Variants in RFX1 observed in about 807,000 individuals in gnomAD.
The protein encoded by RFX1 is MHC class II regulatory factor RFX1.
RFX1 carries 42 observed loss-of-function variants against 119.6 expected under a neutral mutation model. That is an observed-to-expected ratio of 0.35 (90% CI 0.27 to 0.45). The LOEUF (loss-of-function observed/expected upper bound fraction) is 0.45. Among genes scored for constraint, RFX1 ranks in the 20% least tolerant of loss-of-function variants. RFX1 has a pLI of 1.00. For missense variants in RFX1, 1,118 were observed against 1,368.1 expected (o/e 0.82, Z 2.88); for synonymous variants, 628 against 618.5 (o/e 1.02, Z -0.23).
intron 1 of RFX1, among the ~76,000 whole-genome samples, chr19:13,999,965 C>T (rs557336225): frequency 1.2e-4 from 18 of 152,198 alleles, no homozygotes; most frequent in Admixed American, 7.9e-4. Flanking sequence ...CATGAGCCAC[C>T]GCGACTGGCC....
chr19:13,980,735 T>TCCTCTCTGGGGTGGGCTCGCAG lies in RFX1; in HGVS notation c.622-47_622-46insCTGCGAGCCCACCCCAGAGAGG. 1 of 1,420,320 alleles carries TCCTCTCTGGGGTGGGCTCGCAG rather than the reference T, an allele frequency of 7.0e-7. No homozygotes were observed. The highest frequency in any genetic ancestry group is 9.7e-7 in the Non-Finnish European group (1 of 1,027,826). 88.0% of individuals were successfully genotyped at this position (1,420,320 alleles called of 1,614,324 possible). On this transcript the variant is annotated intron_variant, in intron 5 of 20. Transcript: ENST00000254325. The surrounding 1 kb of genome is among the most constrained non-coding windows in gnomAD (Gnocchi z 5.1). ...GGAGTGCCGCTGGGGTGGGCTTGCATCCTCTCTGAGGTGGGCTCACACACA... is the reference window on the plus strand; with the variant it reads ...GGAGTGCCGCTGGGGTGGGCTTGCATCCTCTCTGGGGTGGGCTCGCAGCCTCTCTGAGGTGGGCTCACACACA...
At chr19:14,002,880 G>A (rs1975262278) in intron 1 of RFX1, among the ~76,000 whole-genome samples, 1 of 152,180 alleles carries the variant, frequency 6.6e-6, no homozygotes, top group South Asian at 2.1e-4. Context: ...CGGCTCCAGA[G>A]ACGCCATTCC....
rs1973803802 is a variant in RFX1 at position 13,963,849 on chromosome 19, C to G, written c.2361+9G>C. ...CTCATTCGCCCGCCCCGCCCCGCCCCGCGCTCACCTGCACGTTGGCGAAGT... is the reference window on the plus strand; with the variant it reads ...CTCATTCGCCCGCCCCGCCCCGCCCGGCGCTCACCTGCACGTTGGCGAAGT... On this transcript the variant is annotated intron_variant, in intron 17 of 20. Coordinates refer to ENST00000254325, the MANE Select transcript of RFX1 (RefSeq NM_002918.5). 1 of 1,536,696 alleles carries G rather than the reference C, an allele frequency of 6.5e-7. No individual in the cohort carries two copies. The highest frequency in any genetic ancestry group is 2.5e-5 in the East Asian group (1 of 40,254).
At chr19:14,003,107 T>C (rs535921364) in intron 1 of RFX1, among the ~76,000 whole-genome samples, 68 of 152,322 alleles carry the variant, frequency 4.5e-4, no homozygotes, top group Non-Finnish European at 9.4e-4. Context: ...CTCAGCCTCC[T>C]AAATAGCTGG....
At chr19:14,005,740 C>G (rs1450622095) in intron 1 of RFX1, among the ~76,000 whole-genome samples, 1 of 151,976 alleles carries the variant, frequency 6.6e-6, no homozygotes, top group Admixed American at 6.5e-5. Context: ...CCATACCTTC[C>G]CTCCTGGTCC....
Position 13,985,447 on chromosome 19 carries a change from G to T in RFX1, c.320-1852C>A, listed in dbSNP as rs1212641233. Among the ~76,000 whole-genome samples, 1 of 151,352 alleles carries T rather than the reference G, an allele frequency of 6.6e-6. No homozygotes were observed. The highest frequency in any genetic ancestry group is 1.9e-4 in the East Asian group (1 of 5,130). On this transcript the variant is annotated intron_variant, in intron 2 of 20. Transcript: ENST00000254325. The surrounding 1 kb of genome is among the most constrained non-coding windows in gnomAD (Gnocchi z 4.3). ...CCGCCTCGGTCTCTCAAAGTGCTGG[G>T]ATTACAGGCATGAGCCACTGCACCT...
At chr19:13,982,087 AG>A (rs778080163) in intron 5 of RFX1, 33 bp downstream of exon 5, 4 of 1,136,894 alleles carry the variant, frequency 3.5e-6, no homozygotes, top group South Asian at 3.7e-5. Flanking sequence ...GGGAGACAGC[AG>A]GGGGGAGGGC....
intron 4 of RFX1, 192 bp downstream of exon 4, chr19:13,982,995 T>C: frequency 1.7e-6 from 1 of 577,094 alleles, no homozygotes; most frequent in Non-Finnish European, 3.1e-6. Context: ...CTGCAGCTCC[T>C]CTGTCCCTGA....
At chr19:13,995,537 G>A (rs1974980493) in intron 1 of RFX1, among the ~76,000 whole-genome samples, 1 of 152,188 alleles carries the variant, frequency 6.6e-6, no homozygotes, top group Non-Finnish European at 1.5e-5. Context: ...GAACCTGGCA[G>A]CTGCGGCTGA....
At chr19:14,003,914 T>C (rs1358343201) in intron 1 of RFX1, among the ~76,000 whole-genome samples, 2 of 145,606 alleles carry the variant, frequency 1.4e-5, no homozygotes, top group East Asian at 4.0e-4. Context: ...CTCAGTTAGC[T>C]TTTTTTTTTT....
At position 13,990,857 on chromosome 19, in the gene RFX1, C is replaced by T. The variant is rs1213441602; in HGVS notation, c.319+2668G>A. On this transcript the variant is annotated intron_variant, in intron 2 of 20. Coordinates refer to ENST00000254325, the MANE Select transcript of RFX1 (RefSeq NM_002918.5). The surrounding 1 kb of genome is among the most constrained non-coding windows in gnomAD (Gnocchi z 4.1). ...AATTACCTGGGTGTGGTGGCACATG[C>T]CTATAGTCCCAGCTACTTGGGAGGC... 6.6e-6 allele frequency among the ~76,000 whole-genome samples: 1 copy of T among 151,832 alleles called. No individual in the cohort carries two copies. Among genetic ancestry groups the T allele is most frequent in the Non-Finnish European group, 1.5e-5 (1 of 67,952 alleles).
Position 13,983,248 on chromosome 19 carries a change from A to G in RFX1, c.452T>C (p.Val151Ala). Residue 151 changes from valine to alanine, a missense_variant, in exon 4 of 21, where the codon GTG becomes GCG. Around this residue, in one of 5 missense-constraint regions of RFX1, gnomAD observed 542 missense variants for 602.7 expected, o/e 0.90. Transcript: ENST00000254325. ...CGACACGTGGCCTGGCTTGGCCTGC[A>G]CGCTCGTCTGGACCAGCAGCCGCTG... ...TQQRLLVQTS[V>A]QAKPGHVSPL... is the part of the protein sequence containing the mutation. 6.4e-7 allele frequency: 1 copy of G among 1,569,188 alleles called. No homozygotes were observed.
Position 13,983,766 on chromosome 19 carries a change from A to T in RFX1, c.320-171T>A, listed in dbSNP as rs557938509. Among the ~76,000 whole-genome samples, 5 of 152,322 alleles carry T rather than the reference A, an allele frequency of 3.3e-5. No individual in the cohort carries two copies. In the East Asian group the frequency reaches 9.7e-4, roughly 29 times the overall value. On this transcript the variant is annotated intron_variant, in intron 2 of 20. Coordinates refer to ENST00000254325, the MANE Select transcript of RFX1 (RefSeq NM_002918.5). ...CCCTGACTGCACCCATCAGGGGCCCACGTGGCAGAGCGGGCTGAGGCTTGC... is the reference window on the plus strand; with the variant it reads ...CCCTGACTGCACCCATCAGGGGCCCTCGTGGCAGAGCGGGCTGAGGCTTGC...
chr19:13,967,117 C>G (rs1973928842), intron 12 of RFX1, among the ~76,000 whole-genome samples: 1 of 152,172 alleles, frequency 6.6e-6, no homozygotes, highest in Non-Finnish European at 1.5e-5. Context: ...CCTAAGCACC[C>G]CAGGTTGGGG....
At chr19:14,003,155 T>C (rs1278438615) in intron 1 of RFX1, among the ~76,000 whole-genome samples, 1 of 152,158 alleles carries the variant, frequency 6.6e-6, no homozygotes, top group Non-Finnish European at 1.5e-5. Context: ...CCGGCTACTT[T>C]TTGTATTTTT....
Position 13,963,764 on chromosome 19 carries a change from G to A in RFX1, c.2362-18C>T. The A allele has an allele frequency of 6.5e-7, 1 of 1,541,152 alleles. No individual in the cohort carries two copies. The highest frequency in any genetic ancestry group is 8.7e-7 in the Non-Finnish European group (1 of 1,146,654). ...GCCTGCTCCTGGGGCACAGAGGGTG[G>A]GCGGGCGCCCGGGGCTCAGCCGCCG... On this transcript the variant is annotated intron_variant, in intron 17 of 20. Transcript: ENST00000254325.
In RFX1 at chr19:13,968,926, TG is replaced by T; in HGVS notation, c.1497-33del. On this transcript the variant is annotated intron_variant, in intron 10 of 20. Coordinates refer to ENST00000254325, the MANE Select transcript of RFX1 (RefSeq NM_002918.5). This position sits in a 1 kb window ranked among gnomAD's most constrained non-coding sequence, Gnocchi z 5.5. ...GGGAGGTGGAGGGGAAGGGCTGGGC[TG>T]GGGGTCTGCCGGCTGGCCGGCCATG... 1 of 1,537,714 alleles carries T rather than the reference TG, an allele frequency of 6.5e-7. No individual in the cohort carries two copies. Among genetic ancestry groups the T allele is most frequent in the Non-Finnish European group, 8.8e-7 (1 of 1,141,906 alleles).
At chr19:13,982,323 C>T (rs1028440265) in intron 4 of RFX1, 95 bp from the exon 5 acceptor site, 4 of 606,244 alleles carry the variant, frequency 6.6e-6, no homozygotes, top group Non-Finnish European at 7.3e-6. Context: ...ATTCTAAGTG[C>T]TTCACGCCTG....
chr19:13,990,721 G>A lies in RFX1; in HGVS notation c.319+2804C>T, dbSNP rs558390714. Among the ~76,000 whole-genome samples, 178 of 151,894 alleles carry A rather than the reference G, an allele frequency of 1.2e-3. No homozygotes were observed. The highest frequency in any genetic ancestry group is 4.0e-3 in the African/African-American group (166 of 41,398). On this transcript the variant is annotated intron_variant, in intron 2 of 20. Coordinates refer to ENST00000254325, the MANE Select transcript of RFX1 (RefSeq NM_002918.5). This position sits in a 1 kb window ranked among gnomAD's most constrained non-coding sequence, Gnocchi z 4.1. ...AGTCCCAGCTACTTGGGAGGCTGAGGCAGGAGAATGGTGTGAACCCCGGAG... is the reference window on the plus strand; with the variant it reads ...AGTCCCAGCTACTTGGGAGGCTGAGACAGGAGAATGGTGTGAACCCCGGAG...
Sources: allele counts gnomAD v4.1 joint callset (sites outside exome capture counted in the v4.1 genomes callset), GRCh38; gene constraint gnomAD v4.1.1; regional missense constraint gnomAD v4.1.1; non-coding constraint Gnocchi (gnomAD v3.1); transcripts MANE v1.5; gene names NCBI Gene and HGNC (gene_info 2026-07-23, HGNC 2026-07-21).